Variants in TENM3 observed in about 807,000 individuals in gnomAD.
TENM3 encodes teneurin transmembrane protein 3, also known as teneurin-3.
In TENM3, 63 loss-of-function variants were observed where a neutral mutation model predicts 255.1. The ratio of observed to expected loss-of-function variants is 0.25; its 90% confidence interval spans 0.20 to 0.30. The LOEUF (loss-of-function observed/expected upper bound fraction) is 0.30, where lower values mean the gene tolerates loss of function less well. Among genes scored for constraint, TENM3 ranks in the 10% least tolerant of loss-of-function variants. The probability of loss-of-function intolerance (pLI) is 1.00; values close to 1 mark genes in which losing one functional copy is unlikely to be tolerated. For missense variants in TENM3, 2,929 were observed against 3,461.1 expected (o/e 0.85, Z 3.86); for synonymous variants, 1,306 against 1,322.3 (o/e 0.99, Z 0.27).
the TENM3 span, among the ~76,000 whole-genome samples, chr4:181,995,758 C>T: frequency 6.6e-6 from 1 of 152,164 alleles, no homozygotes; most frequent in Admixed American, 6.5e-5. Flanking sequence ...AGACAGATAC[C>T]ATAATTAGAT....
the TENM3 span, among the ~76,000 whole-genome samples, chr4:181,612,523 T>TGTGTGTGTGTGA: frequency 7.3e-6 from 1 of 137,652 alleles, no homozygotes. Flanking sequence ...TGTGTGTGTG[T>TGTGTGTGTGTGA]CAGAGAGAGA....
chr4:181,791,999 G>A, the TENM3 span, among the ~76,000 whole-genome samples: 1 of 152,172 alleles, frequency 6.6e-6, no homozygotes, highest in Admixed American at 6.5e-5. Context: ...TAATTTCTTT[G>A]ATGGATTCAG....
chr4:181,482,911 C>T, the TENM3 span, among the ~76,000 whole-genome samples: 4 of 152,090 alleles, frequency 2.6e-5, no homozygotes, highest in Non-Finnish European at 5.9e-5. Flanking sequence ...ATACGGTGTT[C>T]GGCCGATACC....
chr4:182,646,610 C>T (rs533397318), intron 5 of TENM3, among the ~76,000 whole-genome samples: 40 of 152,092 alleles, frequency 2.6e-4, no homozygotes, highest in African/African-American at 5.5e-4. Context: ...GATGTGGTGG[C>T]GGGTGCCTGT....
intron 3 of TENM3, among the ~76,000 whole-genome samples, chr4:182,403,797 C>G (rs1401031918): frequency 6.6e-6 from 1 of 152,188 alleles, no homozygotes; most frequent in South Asian, 2.1e-4. Flanking sequence ...TCATGGCTCA[C>G]TGCAGCCCCA....
intron 3 of TENM3, among the ~76,000 whole-genome samples, chr4:182,477,269 A>G (rs2151489004): frequency 6.6e-6 from 1 of 152,276 alleles, no homozygotes; most frequent in South Asian, 2.1e-4. Context: ...CTTGGGTAGA[A>G]AGAGCCTTGT....
intron 19 of TENM3, among the ~76,000 whole-genome samples, chr4:182,744,438 T>G (rs182855505): frequency 6.6e-6 from 1 of 152,264 alleles, no homozygotes; most frequent in African/African-American, 2.4e-5. Flanking sequence ...TATAACAAAA[T>G]TATTTCCAAG....
chr4:182,097,110 G>A, the TENM3 span, among the ~76,000 whole-genome samples: 1 of 152,124 alleles, frequency 6.6e-6, no homozygotes, highest in African/African-American at 2.4e-5. Flanking sequence ...CTTTCGGTGT[G>A]GCTGACAAGG....
the TENM3 span, among the ~76,000 whole-genome samples, chr4:182,099,412 C>G: frequency 6.6e-6 from 1 of 152,136 alleles, no homozygotes; most frequent in Non-Finnish European, 1.5e-5. Context: ...AGAGAAGAAT[C>G]TAGACCAAGG....
At chr4:181,522,828 C>T in the TENM3 span, 2 of 920,960 alleles carry the variant, frequency 2.2e-6, no homozygotes, top group Non-Finnish European at 1.8e-6. Context: ...TAGAAATGCA[C>T]CTGAATTTTC....
chr4:181,810,446 A>G, the TENM3 span, among the ~76,000 whole-genome samples: 2 of 151,926 alleles, frequency 1.3e-5, no homozygotes, highest in African/African-American at 2.4e-5. Context: ...AAATTATTAG[A>G]TTTCTCATTC....
the TENM3 span, among the ~76,000 whole-genome samples, chr4:181,984,756 G>C: frequency 2.0e-5 from 3 of 149,294 alleles, no homozygotes; most frequent in Admixed American, 1.4e-4. Context: ...AATCTCATCG[G>C]CTTTTTATGG....
At chr4:182,619,232 C>A (rs948443980) in intron 4 of TENM3, among the ~76,000 whole-genome samples, 15 of 151,954 alleles carry the variant, frequency 9.9e-5, no homozygotes, top group African/African-American at 3.4e-4. Context: ...TCAAGACCAT[C>A]CTGGCCAACA....
chr4:181,656,351 T>C, the TENM3 span, among the ~76,000 whole-genome samples: 1 of 152,060 alleles, frequency 6.6e-6, no homozygotes, highest in East Asian at 1.9e-4. Flanking sequence ...AATAACTACA[T>C]AGATTTATGC....
the TENM3 span, among the ~76,000 whole-genome samples, chr4:182,080,845 G>A: frequency 1.3e-5 from 2 of 152,228 alleles, no homozygotes; most frequent in Admixed American, 1.3e-4. Flanking sequence ...TTAAAAATTG[G>A]CTGGGCGTAG....
the TENM3 span, among the ~76,000 whole-genome samples, chr4:181,682,320 C>T: frequency 5.9e-5 from 9 of 152,094 alleles, no homozygotes; most frequent in Non-Finnish European, 1.2e-4. Flanking sequence ...TCAGTGACAG[C>T]AGGGTTTTTC....
intron 1 of TENM3, among the ~76,000 whole-genome samples, chr4:182,303,658 G>C (rs575555343): frequency 6.6e-6 from 1 of 152,118 alleles, no homozygotes; most frequent in African/African-American, 2.4e-5. Flanking sequence ...AATTTCTCTT[G>C]AGTCTAGATT....
intron 1 of TENM3, among the ~76,000 whole-genome samples, chr4:182,177,528 C>T (rs368836043): frequency 7.3e-5 from 11 of 150,546 alleles, no homozygotes; most frequent in African/African-American, 2.5e-4. Flanking sequence ...TCAAATTAGG[C>T]AATTACAAAT....
intron 12 of TENM3, among the ~76,000 whole-genome samples, chr4:182,692,822 T>A (rs1757108309): frequency 6.6e-6 from 1 of 152,196 alleles, no homozygotes; most frequent in Admixed American, 6.5e-5. Context: ...TTCTTTTTGT[T>A]AGCTTAAGGA....
Sources: gnomAD v4.1 joint callset for allele counts (sites outside exome capture counted in the v4.1 genomes callset) on GRCh38, gnomAD v4.1.1 for gene constraint, MANE v1.5 for transcripts, NCBI Gene and HGNC (gene_info 2026-07-23, HGNC 2026-07-21) for gene names.